SDHAF4: variants seen among roughly 807,000 people sequenced by gnomAD.
The protein encoded by SDHAF4 is succinate dehydrogenase complex assembly factor 4, also known as succinate dehydrogenase assembly factor 4, mitochondrial.
A neutral mutation model predicts 14.3 loss-of-function variants in SDHAF4; 14 were observed. That is an observed-to-expected ratio of 0.98 (90% CI 0.65 to 1.53). The LOEUF is 1.53. SDHAF4 is among the 40% of genes most tolerant of loss of function. The pLI, the probability that SDHAF4 is intolerant of heterozygous loss-of-function variation, is 0.00. For synonymous variants in SDHAF4, 63 were observed against 47.3 expected, an observed-to-expected ratio of 1.33 and a Z score of -1.36; for missense variants, 141 against 129.3, an observed-to-expected ratio of 1.09 and a Z score of -0.44.
the SDHAF4 span, among the ~76,000 whole-genome samples, chr6:70,595,440 TTC>T: frequency 6.6e-6 from 1 of 152,232 alleles, no homozygotes; most frequent in East Asian, 1.9e-4. Flanking sequence ...TATATCAGTT[TTC>T]TCTCTCAGTC....
intron 1 of SDHAF4, among the ~76,000 whole-genome samples, chr6:70,571,682 C>A (rs1802180272): frequency 6.6e-6 from 1 of 152,174 alleles, no homozygotes; most frequent in South Asian, 2.1e-4. Context: ...CACTCTTTTC[C>A]CTTCTTTGTT....
At chr6:70,584,122 C>T (rs1214757189) in intron 2 of SDHAF4, among the ~76,000 whole-genome samples, 1 of 152,096 alleles carries the variant, frequency 6.6e-6, no homozygotes, top group African/African-American at 2.4e-5. Flanking sequence ...GCCTCGGGTT[C>T]AAGCGAGTCT....
chr6:70,567,142 C>G, intron 1 of SDHAF4, 138 bp downstream of exon 1: 1 of 836,800 alleles, frequency 1.2e-6, no homozygotes, highest in Non-Finnish European at 1.8e-6. Flanking sequence ...TTCTCCCGCC[C>G]AGCCGCCCAC....
chr6:70,585,154 A>T (rs904513939), intron 2 of SDHAF4, among the ~76,000 whole-genome samples: 1 of 152,134 alleles, frequency 6.6e-6, no homozygotes, highest in African/African-American at 2.4e-5. Context: ...CCCCCAGGTG[A>T]TGGTATTTGG....
chr6:70,567,085 A>G (rs1178686567), intron 1 of SDHAF4, 81 bp downstream of exon 1: 5 of 1,370,428 alleles, frequency 3.6e-6, no homozygotes, highest in Non-Finnish European at 5.0e-6. Flanking sequence ...CCCGCGGAGG[A>G]AGCCGCGTGT....
intron 2 of SDHAF4, among the ~76,000 whole-genome samples, chr6:70,586,557 G>A (rs145158306): frequency 6.6e-6 from 1 of 150,908 alleles, no homozygotes; most frequent in Non-Finnish European, 1.5e-5. Context: ...GCCTGGCAGA[G>A]TAATAGTGGA....
chr6:70,579,295 C>A, intron 1 of SDHAF4, 119 bp from the exon 2 acceptor site: 1 of 838,874 alleles, frequency 1.2e-6, no homozygotes, highest in Non-Finnish European at 1.6e-6. Context: ...TCCTTTTGTA[C>A]TTTTTGAACT....
At chr6:70,591,073 C>G (rs569531623), downstream of SDHAF4, among the ~76,000 whole-genome samples, 1 of 152,106 alleles carries the variant, frequency 6.6e-6, no homozygotes, top group Non-Finnish European at 1.5e-5. Context: ...AGATAATGCC[C>G]GAATACATTG....
At chr6:70,572,539 T>C (rs150593142) in intron 1 of SDHAF4, among the ~76,000 whole-genome samples, 4 of 152,320 alleles carry the variant, frequency 2.6e-5, no homozygotes, top group African/African-American at 9.6e-5. Flanking sequence ...CATAAATGTA[T>C]ATAATATTTA....
At chr6:70,578,202 G>A (rs1189503488) in intron 1 of SDHAF4, among the ~76,000 whole-genome samples, 3 of 152,134 alleles carry the variant, frequency 2.0e-5, no homozygotes, top group Non-Finnish European at 4.4e-5. Flanking sequence ...CAGTGTATAC[G>A]CATTCCCTCT....
chr6:70,569,067 G>A (rs868813526), intron 1 of SDHAF4, among the ~76,000 whole-genome samples: 2 of 136,738 alleles, frequency 1.5e-5, no homozygotes, highest in Admixed American at 8.3e-5. Flanking sequence ...CTGGGTTCAC[G>A]CCATTCTCCT....
At chr6:70,597,328 TA>T in the SDHAF4 span, among the ~76,000 whole-genome samples, 1 of 143,800 alleles carries the variant, frequency 7.0e-6, no homozygotes, top group Non-Finnish European at 1.5e-5. Context: ...TTTGTATTTT[TA>T]GTAGAGACAG....
At chr6:70,583,840 C>T (rs774804497) in intron 2 of SDHAF4, among the ~76,000 whole-genome samples, 7 of 152,180 alleles carry the variant, frequency 4.6e-5, no homozygotes, top group African/African-American at 7.2e-5. Flanking sequence ...TAAAGCTAGA[C>T]ACACAGGTTC....
intron 1 of SDHAF4, among the ~76,000 whole-genome samples, chr6:70,573,314 A>AATCTCACTCT (rs1802209474): frequency 8.1e-6 from 1 of 123,662 alleles, no homozygotes. Flanking sequence ...CCCAGGCTGG[A>AATCTCACTCT]GTGCAGTGGC....
At chr6:70,569,001 T>C (rs1405386384) in intron 1 of SDHAF4, among the ~76,000 whole-genome samples, 1 of 138,818 alleles carries the variant, frequency 7.2e-6, no homozygotes, top group African/African-American at 2.8e-5. Flanking sequence ...AGTTTCGCTC[T>C]GTCGCCCGGG....
At chr6:70,598,287 G>A in the SDHAF4 span, among the ~76,000 whole-genome samples, 1 of 152,206 alleles carries the variant, frequency 6.6e-6, no homozygotes, top group Non-Finnish European at 1.5e-5. Context: ...GCCGAAGCAG[G>A]AGAATTGCTT....
intron 2 of SDHAF4, 111 bp downstream of exon 2, chr6:70,579,677 A>G: frequency 2.4e-6 from 2 of 827,340 alleles, no homozygotes; most frequent in East Asian, 5.8e-5. Flanking sequence ...TTCTGTAGTA[A>G]TAAAGCATAT....
At chr6:70,567,341 G>C in intron 1 of SDHAF4, 1 of 304,248 alleles carries the variant, frequency 3.3e-6, no homozygotes, top group Non-Finnish European at 6.0e-6. Flanking sequence ...CGATGCCCCA[G>C]AGAAAAATGG....
intron 1 of SDHAF4, among the ~76,000 whole-genome samples, chr6:70,576,556 A>G (rs1178890150): frequency 6.6e-6 from 1 of 152,260 alleles, no homozygotes; most frequent in African/African-American, 2.4e-5. Flanking sequence ...ACATACACAG[A>G]TATACACATA....
Sources: gnomAD v4.1 joint callset for allele counts (sites outside exome capture counted in the v4.1 genomes callset) on GRCh38, gnomAD v4.1.1 for gene constraint, MANE v1.5 for transcripts, NCBI Gene and HGNC (gene_info 2026-07-23, HGNC 2026-07-21) for gene names.